Variants in OR5H14 observed in about 807,000 individuals in gnomAD.
OR5H14 encodes the protein olfactory receptor 5H14.
For synonymous variants in OR5H14, 155 were observed against 130.6 expected (o/e 1.19, Z -1.28); for missense variants, 392 against 363.9 (o/e 1.08, Z -0.63).
chr3:98,150,018 A>G lies in OR5H14; in HGVS notation c.633A>G (p.Ile211Met). ...IFAGSIQVFT[I>M]GTVLISYIFV... ...CAGGTTCAATTCAAGTTTTTACCAT[A>G]GGGACTGTTCTTATATCTTACATAT... Residue 211 changes from isoleucine to methionine, a missense_variant, in exon 2 of 2, where the codon ATA becomes ATG. Coordinates refer to ENST00000641380, the MANE Select transcript of OR5H14 (RefSeq NM_001005514.2). The G allele has an allele frequency of 6.2e-7, 1 of 1,613,102 alleles. No homozygotes were observed. The highest frequency in any genetic ancestry group is 1.1e-5 in the South Asian group (1 of 91,046).
chr3:98,150,176 C>G lies in OR5H14; in HGVS notation c.791C>G (p.Ser264Cys). ...PLAFMYMGSA[S>C]PQADDQDMME... ...GCCTTCATGTATATGGGCTCTGCAT[C>G]CCCACAGGCTGATGACCAAGATATG... The change falls in exon 2 of 2, where the codon TCC becomes TGC. Residue 264 changes from serine (S) to cysteine (C), a missense_variant. By Grantham distance (112) the Ser-to-Cys change is moderately radical. Transcript: ENST00000641380. The G allele has an allele frequency of 6.2e-7, 1 of 1,612,756 alleles. No homozygotes were observed. The highest frequency in any genetic ancestry group is 8.5e-7 in the Non-Finnish European group (1 of 1,179,540).
In OR5H14 at chr3:98,150,146, C is replaced by T. The variant is rs1381793757; in HGVS notation, c.761C>T (p.Pro254Leu). ...HLLSVSLYYGPLAFMYMGSAS... is the reference protein window; with the variant it reads ...HLLSVSLYYGLLAFMYMGSAS... ...TTATCTGTATCTTTATACTATGGGCCCCTCGCCTTCATGTATATGGGCTCT... is the reference window on the plus strand; with the variant it reads ...TTATCTGTATCTTTATACTATGGGCTCCTCGCCTTCATGTATATGGGCTCT... Residue 254 changes from proline (P) to leucine (L), a missense_variant, in exon 2 of 2, where the codon CCC becomes CTC. By Grantham distance (98) the Pro-to-Leu change is moderately conservative. Coordinates refer to ENST00000641380, the MANE Select transcript of OR5H14 (RefSeq NM_001005514.2). 3.1e-6 allele frequency: 5 copies of T among 1,611,850 alleles called. No homozygotes were observed. The South Asian group carries it at 5.5e-5, about 18-fold the overall frequency.
In OR5H14 at chr3:98,156,339, T is replaced by G. The variant is rs950161929; in HGVS notation, c.*6021T>G. 2 of 151,952 alleles carry G rather than the reference T, an allele frequency of 1.3e-5. No homozygotes were observed. The highest frequency in any genetic ancestry group is 2.4e-5 in the African/African-American group (1 of 41,240). 9.4% of individuals were successfully genotyped at this position (151,952 alleles called of 1,614,324 possible). A position where few individuals can be genotyped will look rare whatever the true frequency, so the allele number is the denominator to read the frequency against. On this transcript the variant is annotated 3_prime_UTR_variant, in exon 2 of 2. Transcript: ENST00000641380. ...AGAAATTTTAAAATGCTATTTAATA[T>G]ATAATGTTTGTATTTGGATCACAGC...
chr3:98,152,883 GC>G lies in OR5H14; in HGVS notation c.*2566del, dbSNP rs994822527. ...GTGTGCTTAGGTAGAAACCCATTTT[GC>G]TGGAGCCACCTCAGCCCAATGTACT... On this transcript the variant is annotated 3_prime_UTR_variant, in exon 2 of 2. Transcript: ENST00000641380. 3 of 97,900 alleles carry G rather than the reference GC, an allele frequency of 3.1e-5. No individual in the cohort carries two copies. The highest frequency in any genetic ancestry group is 6.3e-5 in the Non-Finnish European group (3 of 47,702). The allele number at this position is 97,900 out of a possible 1,614,324, so 6.1% of individuals were successfully genotyped here. A position where few individuals can be genotyped will look rare whatever the true frequency, so the allele number is the denominator to read the frequency against.
rs546076038 is a variant in OR5H14, at chr3:98,148,690, T to C, written c.-18-678T>C. Among the ~76,000 whole-genome samples the C allele has an allele frequency of 2.6e-5, 4 of 152,194 alleles. No homozygotes were observed. In the South Asian group the frequency reaches 8.3e-4, roughly 32 times the overall value. On this transcript the variant is annotated intron_variant, in intron 1 of 1. Transcript: ENST00000641380. Reference sequence around the variant, plus strand: ...ATCTCTTCCAATGTAATATCACACATGGACTAGACATCTAGCATTCATTTG... The same window carrying C: ...ATCTCTTCCAATGTAATATCACACACGGACTAGACATCTAGCATTCATTTG...
rs1444725728 is a variant in OR5H14 at position 98,152,988 on chromosome 3, T to C, written c.*2670T>C. 1 of 152,152 alleles carries C rather than the reference T, an allele frequency of 6.6e-6. No individual in the cohort carries two copies. The highest frequency in any genetic ancestry group is 6.5e-5 in the Admixed American group (1 of 15,272). The allele number at this position is 152,152 out of a possible 1,614,324, so 9.4% of individuals were successfully genotyped here. On this transcript the variant is annotated 3_prime_UTR_variant, in exon 2 of 2. Transcript: ENST00000641380. Reference sequence around the variant, plus strand: ...GGATACTGACCAACACTCAGGCACATGGAGCACTTTCTCACCACCAGAGCT... The same window carrying C: ...GGATACTGACCAACACTCAGGCACACGGAGCACTTTCTCACCACCAGAGCT...
chr3:98,155,523 A>AGTT lies in OR5H14; in HGVS notation c.*5206_*5207insTTG, dbSNP rs1708577455. 1 of 152,094 alleles carries AGTT rather than the reference A, an allele frequency of 6.6e-6. No individual in the cohort carries two copies. The highest frequency in any genetic ancestry group is 1.5e-5 in the Non-Finnish European group (1 of 68,012). 9.4% of individuals were successfully genotyped at this position (152,094 alleles called of 1,614,324 possible). On this transcript the variant is annotated 3_prime_UTR_variant, in exon 2 of 2. Coordinates refer to ENST00000641380, the MANE Select transcript of OR5H14 (RefSeq NM_001005514.2). Reference sequence around the variant, plus strand: ...TGAAGTTATAGTGACAGCACCAACTAGGTGGCAAGGCATTGCAAGATTGTC... The same window carrying AGTT: ...TGAAGTTATAGTGACAGCACCAACTAGTTGGTGGCAAGGCATTGCAAGATTGTC...
rs1301322279 is a variant in OR5H14, at chr3:98,152,273, AT to A, written c.*1958del. On this transcript the variant is annotated 3_prime_UTR_variant, in exon 2 of 2. Coordinates refer to ENST00000641380, the MANE Select transcript of OR5H14 (RefSeq NM_001005514.2). ...TTATGAATCCGGAGCCAGAAATACT[AT>A]TTGACTCAGCAATCCCATTACTGAG... 6.6e-6 allele frequency: 1 copy of A among 152,124 alleles called. No homozygotes were observed. Among genetic ancestry groups the A allele is most frequent in the Non-Finnish European group, 1.5e-5 (1 of 68,030 alleles). 9.4% of individuals were successfully genotyped at this position (152,124 alleles called of 1,614,324 possible). A position where few individuals can be genotyped will look rare whatever the true frequency, so the allele number is the denominator to read the frequency against.
At position 98,150,104 on chromosome 3, in the gene OR5H14, C is replaced by G. The variant is rs533392804; in HGVS notation, c.719C>G (p.Thr240Ser). 1.2e-5 allele frequency: 20 copies of G among 1,610,394 alleles called. No individual in the cohort carries two copies. In the South Asian group the frequency reaches 1.8e-4, roughly 14 times the overall value. ...AAAGGTATGAGAAAAGCCTTCTCCACCTGTGGAGCTCATCTCTTATCTGTA... is the reference window on the plus strand; with the variant it reads ...AAAGGTATGAGAAAAGCCTTCTCCAGCTGTGGAGCTCATCTCTTATCTGTA... The part of the protein sequence containing the change: ...SVKGMRKAFS[T>S]CGAHLLSVSL... The change falls in exon 2 of 2, where the codon ACC becomes AGC. Residue 240 changes from threonine to serine, a missense_variant. Thr to Ser is a moderately conservative substitution (Grantham distance 58). Transcript: ENST00000641380.
rs772304357 is a variant in OR5H14, at chr3:98,156,186, T to G, written c.*5868T>G. The G allele has an allele frequency of 6.6e-6, 1 of 152,202 alleles. No homozygotes were observed. Among genetic ancestry groups the G allele is most frequent in the Non-Finnish European group, 1.5e-5 (1 of 68,020 alleles). 9.4% of individuals were successfully genotyped at this position (152,202 alleles called of 1,614,324 possible). A position where few individuals can be genotyped will look rare whatever the true frequency, so the allele number is the denominator to read the frequency against. Reference sequence around the variant, plus strand: ...ACACAAAGAATTGCTGCCTGTGTTATTATCAGATATGCTCTATTATGTATT... The same window carrying G: ...ACACAAAGAATTGCTGCCTGTGTTAGTATCAGATATGCTCTATTATGTATT... On this transcript the variant is annotated 3_prime_UTR_variant, in exon 2 of 2. Coordinates refer to ENST00000641380, the MANE Select transcript of OR5H14 (RefSeq NM_001005514.2).
Position 98,151,051 on chromosome 3 carries a change from A to G in OR5H14, c.*733A>G, listed in dbSNP as rs1708500728. ...AGAATCTGAAAAGCTTCCCTAAATC[A>G]GAAAATTAAATGAAAAAATAGAACT... On this transcript the variant is annotated 3_prime_UTR_variant, in exon 2 of 2. Coordinates refer to ENST00000641380, the MANE Select transcript of OR5H14 (RefSeq NM_001005514.2). The G allele has an allele frequency of 6.6e-6, 1 of 152,144 alleles. No homozygotes were observed. Among genetic ancestry groups the G allele is most frequent in the Non-Finnish European group, 1.5e-5 (1 of 68,022 alleles). The allele number at this position is 152,144 out of a possible 1,614,324, so 9.4% of individuals were successfully genotyped here.
In OR5H14 at chr3:98,150,494, A is replaced by T; in HGVS notation, c.*176A>T. The T allele has an allele frequency of 2.3e-6, 1 of 442,146 alleles. No individual in the cohort carries two copies. The highest frequency in any genetic ancestry group is 4.0e-6 in the Non-Finnish European group (1 of 251,184). The allele number at this position is 442,146 out of a possible 1,614,324, so 27.4% of individuals were successfully genotyped here. On this transcript the variant is annotated 3_prime_UTR_variant, in exon 2 of 2. Transcript: ENST00000641380. ...TTAAAATATTCCTATGTTATTCAAAAGGATTTGAGAAATTTTAATCAAGTC... is the reference window on the plus strand; with the variant it reads ...TTAAAATATTCCTATGTTATTCAAATGGATTTGAGAAATTTTAATCAAGTC...
Position 98,151,830 on chromosome 3 carries a change from C to T in OR5H14, c.*1512C>T, listed in dbSNP as rs1344654068. 6.6e-6 allele frequency: 1 copy of T among 152,108 alleles called. No homozygotes were observed. The highest frequency in any genetic ancestry group is 2.4e-5 in the African/African-American group (1 of 41,436). 9.4% of individuals were successfully genotyped at this position (152,108 alleles called of 1,614,324 possible). ...ATGGTTTCTGATTGGTTAAAGTAAA[C>T]TTTTGTTAAGAACCTATCATCAGAG... is the stretch of plus-strand genomic sequence containing the variant. On this transcript the variant is annotated 3_prime_UTR_variant, in exon 2 of 2. Transcript: ENST00000641380.
intron 1 of OR5H14, among the ~76,000 whole-genome samples, 185 bp downstream of exon 1, chr3:98,147,739 G>T (rs1158622022): frequency 6.6e-6 from 1 of 151,982 alleles, no homozygotes; most frequent in African/African-American, 2.4e-5. Context: ...AGGGTAAATA[G>T]TTATAAGACT....
rs944102941 is a variant in OR5H14, at chr3:98,151,902, A to G, written c.*1584A>G. The G allele has an allele frequency of 1.3e-5, 2 of 152,302 alleles. No homozygotes were observed. Among genetic ancestry groups the G allele is most frequent in the African/African-American group, 2.4e-5 (1 of 41,572 alleles). 9.4% of individuals were successfully genotyped at this position (152,302 alleles called of 1,614,324 possible). A position where few individuals can be genotyped will look rare whatever the true frequency, so the allele number is the denominator to read the frequency against. ...GGGAGAAAATTTTTGCAATCTGTCC[A>G]TATGACAAAGGGCTAATATCCAGAA... On this transcript the variant is annotated 3_prime_UTR_variant, in exon 2 of 2. Coordinates refer to ENST00000641380, the MANE Select transcript of OR5H14 (RefSeq NM_001005514.2).
In OR5H14 at chr3:98,149,650, A is replaced by G. The variant is rs777550264; in HGVS notation, c.265A>G (p.Ser89Gly). 1 of 1,613,584 alleles carries G rather than the reference A, an allele frequency of 6.2e-7. No homozygotes were observed. Among genetic ancestry groups the G allele is most frequent in the Non-Finnish European group, 8.5e-7 (1 of 1,179,612 alleles). Reference protein sequence around the residue: ...LKMLINFLAKSKMISLSECKI... With the variant: ...LKMLINFLAKGKMISLSECKI... ...GATGCTGATCAACTTCTTAGCTAAG[A>G]GTAAGATGATATCTCTCTCTGAATG... Residue 89 changes from serine to glycine, a missense_variant, in exon 2 of 2, where the codon AGT becomes GGT. Ser to Gly is a moderately conservative substitution (Grantham distance 56). Transcript: ENST00000641380.
chr3:98,148,744 G>A (rs1272573413), intron 1 of OR5H14, among the ~76,000 whole-genome samples: 1 of 151,980 alleles, frequency 6.6e-6, no homozygotes, highest in Non-Finnish European at 1.5e-5. Context: ...TTTAAATACA[G>A]ATTTCTAGAA....
chr3:98,149,659 A>G lies in OR5H14; in HGVS notation c.274A>G (p.Ile92Val), dbSNP rs1306649169. The change falls in exon 2 of 2, where the codon ATA becomes GTA. Residue 92 changes from isoleucine (I) to valine (V), a missense_variant. Coordinates refer to ENST00000641380, the MANE Select transcript of OR5H14 (RefSeq NM_001005514.2). ...CAACTTCTTAGCTAAGAGTAAGATG[A>G]TATCTCTCTCTGAATGCAAGATACA... ...LINFLAKSKM[I>V]SLSECKIQLF... The G allele has an allele frequency of 1.9e-6, 3 of 1,613,430 alleles. No individual in the cohort carries two copies. Among genetic ancestry groups the G allele is most frequent in the Non-Finnish European group, 2.5e-6 (3 of 1,179,614 alleles).
Position 98,154,590 on chromosome 3 carries a change from G to A in OR5H14, c.*4272G>A, listed in dbSNP as rs1405705395. 6.6e-6 allele frequency: 1 copy of A among 152,194 alleles called. No homozygotes were observed. The highest frequency in any genetic ancestry group is 2.1e-4 in the South Asian group (1 of 4,832). 9.4% of individuals were successfully genotyped at this position (152,194 alleles called of 1,614,324 possible). A position where few individuals can be genotyped will look rare whatever the true frequency, so the allele number is the denominator to read the frequency against. On this transcript the variant is annotated 3_prime_UTR_variant, in exon 2 of 2. Coordinates refer to ENST00000641380, the MANE Select transcript of OR5H14 (RefSeq NM_001005514.2). The stretch of plus-strand genomic sequence containing the variant: ...TATCTAGTTTCCTTTATTTTAATGG[G>A]TGAAAATGTAACTGAGCAAAAGGCT...
Sources: allele counts gnomAD v4.1 joint callset (sites outside exome capture counted in the v4.1 genomes callset), GRCh38; gene constraint gnomAD v4.1.1; transcripts MANE v1.5; gene names NCBI Gene and HGNC (gene_info 2026-07-23, HGNC 2026-07-21).